Variants in SPTBN5 observed in about 807,000 individuals in gnomAD.
SPTBN5 encodes the protein spectrin beta chain, non-erythrocytic 5.
A neutral mutation model predicts 477.6 loss-of-function variants in SPTBN5; 513 were observed. The observed-to-expected ratio is 1.07, with a 90% confidence interval of 1.00 to 1.16. The LOEUF is 1.16. SPTBN5 is among the 50% of genes most tolerant of loss of function. SPTBN5 has a pLI of 0.00. For missense variants in SPTBN5, 5,062 were observed against 4,731.8 expected (o/e 1.07, Z -2.05); for synonymous variants, 2,169 against 2,011.7 (o/e 1.08, Z -2.09).
At chr15:41,865,958 G>A (rs891876327) in intron 38 of SPTBN5, 55 bp from the exon 39 acceptor site, 2 of 1,545,728 alleles carry the variant, frequency 1.3e-6, no homozygotes, top group African/African-American at 1.4e-5. Flanking sequence ...CAGGCTCCTG[G>A]CACCTGCTGC....
rs1300790745 is a variant in SPTBN5, at chr15:41,883,408, C to G, written c.1599G>C (p.Gln533His). The G allele has an allele frequency of 6.2e-7, 1 of 1,613,800 alleles. No individual in the cohort carries two copies. The highest frequency in any genetic ancestry group is 8.5e-7 in the Non-Finnish European group (1 of 1,179,898). The change falls in exon 8 of 68, where the codon CAG becomes CAC. Residue 533 changes from glutamine (Q) to histidine (H), a missense_variant. Gln to His is a conservative substitution (Grantham distance 24). Transcript: ENST00000320955. ...QGQRKQVADM[Q>H]AVLSLLQEVE... ...CCTCCTGCAGCAGGCTCAGCACAGC[C>G]TGCATGTCTGCCACCTGCTTCCTCT... is the stretch of plus-strand genomic sequence containing the variant.
intron 34 of SPTBN5, 58 bp downstream of exon 34, chr15:41,868,011 G>A (rs1400104315): frequency 6.5e-7 from 1 of 1,537,768 alleles, no homozygotes; most frequent in African/African-American, 1.4e-5. Context: ...GAGCAGAGAG[G>A]AGAATAGAAA....
chr15:41,880,337 G>A, intron 13 of SPTBN5, 25 bp from the exon 14 acceptor site: 2 of 1,579,690 alleles, frequency 1.3e-6, no homozygotes, highest in African/African-American at 1.3e-5. Context: ...CCCAAGGCTG[G>A]GGTGAGGGTC....
intron 66 of SPTBN5, 160 bp downstream of exon 66, chr15:41,850,694 C>G: frequency 1.5e-6 from 1 of 679,296 alleles, no homozygotes; most frequent in Non-Finnish European, 2.4e-6. Context: ...GTAACCTCTC[C>G]AGGACCTAAA....
chr15:41,852,585 G>A, intron 61 of SPTBN5, 49 bp downstream of exon 61: 1 of 1,575,418 alleles, frequency 6.3e-7, no homozygotes, highest in Non-Finnish European at 8.7e-7. Flanking sequence ...CAGGCTGAGA[G>A]GGACTGTTCC....
rs746022249 is a variant in SPTBN5, at chr15:41,848,520, G to A, written c.*96C>T. ...GGGAACTGGGTTGAAGCAGCCACGG[G>A]AAGGAGCCCTTTTGCCTGTAGCTGA... is the stretch of plus-strand genomic sequence containing the variant. On this transcript the variant is annotated 3_prime_UTR_variant, in exon 68 of 68. Transcript: ENST00000320955. 22 of 1,467,526 alleles carry A rather than the reference G, an allele frequency of 1.5e-5. No individual in the cohort carries two copies. The highest frequency in any genetic ancestry group is 2.0e-5 in the Non-Finnish European group (21 of 1,046,966). 90.9% of individuals were successfully genotyped at this position (1,467,526 alleles called of 1,614,324 possible). A position where few individuals can be genotyped will look rare whatever the true frequency, so the allele number is the denominator to read the frequency against.
At position 41,853,728 on chromosome 15, in the gene SPTBN5, CA is replaced by C. The variant is rs745733726; in HGVS notation, c.9833del (p.Leu3278ArgfsTer50). ...VARLQTEACR[L>X]GQLHPAAPGG... Reference sequence around the variant, plus strand: ...CCGGAGCTGCAGGATGTAGCTGGCCCAGTCGGCAGGCCTCCGTCTGTAGCCG... The same window carrying C: ...CCGGAGCTGCAGGATGTAGCTGGCCCGTCGGCAGGCCTCCGTCTGTAGCCG... On this transcript the variant is annotated frameshift_variant, in exon 58 of 68. Transcript: ENST00000320955. LOFTEE classifies it high-confidence loss of function. The C allele has an allele frequency of 6.0e-5, 95 of 1,590,398 alleles. No individual in the cohort carries two copies. In the Admixed American group the frequency reaches 1.7e-3, roughly 28 times the overall value.
chr15:41,852,671 G>A lies in SPTBN5; in HGVS notation c.10412C>T (p.Ala3471Val). ...CATTTGGGCAAACTTCTCTTCCTGG[G>A]CTGCCAGCAGCTTTTCTAAGTCCTG... is the stretch of plus-strand genomic sequence containing the variant. ...RHQDLEKLLA[A>V]QEEKFAQMQK... Residue 3471 changes from alanine to valine, a missense_variant, in exon 61 of 68, where the codon GCC becomes GTC. Ala to Val is a moderately conservative substitution (Grantham distance 64). Coordinates refer to ENST00000320955, the MANE Select transcript of SPTBN5 (RefSeq NM_016642.4). 6.2e-7 allele frequency: 1 copy of A among 1,613,600 alleles called. No homozygotes were observed. Among genetic ancestry groups the A allele is most frequent in the Non-Finnish European group, 8.5e-7 (1 of 1,179,884 alleles).
chr15:41,890,074 G>A lies in SPTBN5; in HGVS notation c.501+15C>T, dbSNP rs1371915153. ...CTGGGTCACCAGGTGCTGGGTACTG[G>A]GGACTGAGCCATACCTTGTCCAAGG... On this transcript the variant is annotated intron_variant, in intron 4 of 67. Transcript: ENST00000320955. The A allele has an allele frequency of 6.4e-7, 1 of 1,574,204 alleles. No individual in the cohort carries two copies. Among genetic ancestry groups the A allele is most frequent in the Non-Finnish European group, 8.7e-7 (1 of 1,148,910 alleles).
At position 41,854,011 on chromosome 15, in the gene SPTBN5, AGGGGCTCAGACAGGCAGGCTGCAGGGCGT is replaced by A. The variant is rs773530990; in HGVS notation, c.9774+10_9774+38del. 1 of 1,527,684 alleles carries A rather than the reference AGGGGCTCAGACAGGCAGGCTGCAGGGCGT, an allele frequency of 6.5e-7. No individual in the cohort carries two copies. Among genetic ancestry groups the A allele is most frequent in the Admixed American group, 2.0e-5 (1 of 50,328 alleles). 94.6% of individuals were successfully genotyped at this position (1,527,684 alleles called of 1,614,324 possible). ...GTCCCCTCAGCCACCGCCTTCGGGC[AGGGGCTCAGACAGGCAGGCTGCAGGGCGT>A]GGGCCTCACCTCCAGGCGCCTGTGC... On this transcript the variant is annotated intron_variant, in intron 57 of 67. Transcript: ENST00000320955.
chr15:41,854,062 G>A lies in SPTBN5; in HGVS notation c.9762C>T (p.His3254=), dbSNP rs776076384. 3 of 1,570,378 alleles carry A rather than the reference G, an allele frequency of 1.9e-6. No homozygotes were observed. Among genetic ancestry groups the A allele is most frequent in the East Asian group, 2.3e-5 (1 of 42,808 alleles). ...LSSVRTLQQQ[H]RRLERELEAM... is the part of the protein sequence containing the mutation. ...GCGTGGGCCTCACCTCCAGGCGCCTGTGCTGTTGCTGCAGGGTCCGCACAG... is the reference window on the plus strand; with the variant it reads ...GCGTGGGCCTCACCTCCAGGCGCCTATGCTGTTGCTGCAGGGTCCGCACAG... The change falls in exon 57 of 68, where the codon CAC becomes CAT. Residue 3254 remains histidine (H), a synonymous_variant. Transcript: ENST00000320955.
At position 41,876,303 on chromosome 15, in the gene SPTBN5, G is replaced by A. The variant is rs2140950633; in HGVS notation, c.3952-19C>T. The A allele has an allele frequency of 1.3e-6, 2 of 1,534,348 alleles. No individual in the cohort carries two copies. Among genetic ancestry groups the A allele is most frequent in the East Asian group, 4.8e-5 (2 of 42,086 alleles). ...TCCACTCCTGCCAAGAACCAGGCGA[G>A]AGTGGGTCTCAGAGCACGGTGGGTG... On this transcript the variant is annotated intron_variant, in intron 20 of 67. Transcript: ENST00000320955.
chr15:41,875,453 T>C lies in SPTBN5; in HGVS notation c.4287+5A>G. On this transcript the variant is annotated splice_donor_5th_base_variant and intron_variant, in intron 22 of 67. Coordinates refer to ENST00000320955, the MANE Select transcript of SPTBN5 (RefSeq NM_016642.4). ...TCTTGTGCCCTGTCCCTCTTCCCAG[T>C]GGACCTGCAGCTGCCTCAGGAGTTG... The C allele has an allele frequency of 6.2e-7, 1 of 1,610,766 alleles. No individual in the cohort carries two copies. Among genetic ancestry groups the C allele is most frequent in the Non-Finnish European group, 8.5e-7 (1 of 1,179,214 alleles).
intron 26 of SPTBN5, 127 bp downstream of exon 26, chr15:41,873,365 G>T: frequency 1.4e-6 from 1 of 718,694 alleles, no homozygotes; most frequent in Non-Finnish European, 2.4e-6. Context: ...AGTGGGGATG[G>T]GGCTGTCTGT....
At chr15:41,887,073 C>T (rs2067176871) in intron 6 of SPTBN5, 140 bp downstream of exon 6, 3 of 744,560 alleles carry the variant, frequency 4.0e-6, no homozygotes, top group Non-Finnish European at 6.9e-6. Context: ...GCATCATCAT[C>T]TCCATGTGAT....
At chr15:41,853,956 A>G in intron 57 of SPTBN5, 94 bp downstream of exon 57, 1 of 1,466,838 alleles carries the variant, frequency 6.8e-7, no homozygotes, top group African/African-American at 1.4e-5. Flanking sequence ...GAAGAGGCTG[A>G]AGCAGGCTGG....
chr15:41,884,665 A>G (rs760122105), intron 7 of SPTBN5, among the ~76,000 whole-genome samples: 2 of 152,160 alleles, frequency 1.3e-5, no homozygotes, highest in Non-Finnish European at 2.9e-5. Context: ...CGTCTGCTCC[A>G]GCCCTCCACT....
At position 41,870,283 on chromosome 15, in the gene SPTBN5, T is replaced by A; in HGVS notation, c.5633A>T (p.His1878Leu). The A allele has an allele frequency of 1.3e-6, 2 of 1,554,504 alleles. No homozygotes were observed. Among genetic ancestry groups the A allele is most frequent in the Non-Finnish European group, 1.7e-6 (2 of 1,149,278 alleles). ...LCGLEAQLRS[H>L]QGLERELVGT... ...CACGAGTTCTCGCTCCAGCCCCTGG[T>A]GGCTTCTCAGCTGCGCCTCCAGCCC... The change falls in exon 31 of 68, where the codon CAC becomes CTC. Residue 1878 changes from histidine (H) to leucine (L), a missense_variant. By Grantham distance (99) the His-to-Leu change is moderately conservative. Coordinates refer to ENST00000320955, the MANE Select transcript of SPTBN5 (RefSeq NM_016642.4).
intron 35 of SPTBN5, 40 bp from the exon 36 acceptor site, chr15:41,867,166 G>A (rs1313979661): frequency 1.3e-6 from 2 of 1,499,568 alleles, no homozygotes; most frequent in Non-Finnish European, 1.8e-6. Flanking sequence ...CCCACCCTGG[G>A]CTGGGGCAGG....
Sources: gnomAD v4.1 joint callset for allele counts (sites outside exome capture counted in the v4.1 genomes callset) on GRCh38, gnomAD v4.1.1 for gene constraint, MANE v1.5 for transcripts, NCBI Gene and HGNC (gene_info 2026-07-23, HGNC 2026-07-21) for gene names.